Variants in RBMS3 observed in about 807,000 individuals in gnomAD.
The protein encoded by RBMS3 is RNA binding motif single stranded interacting protein 3, also known as RNA-binding motif, single-stranded-interacting protein 3.
In RBMS3, 27 loss-of-function variants were observed where a neutral mutation model predicts 66.8. The observed-to-expected ratio is 0.40, with a 90% confidence interval of 0.30 to 0.56. The LOEUF is 0.56. Ranked by LOEUF, RBMS3 falls within the 20% of genes least tolerant of loss-of-function variation. The pLI is 0.40. For missense variants in RBMS3, 513 were observed against 549.5 expected (o/e 0.93, Z 0.66); for synonymous variants, 188 against 183.0 (o/e 1.03, Z -0.22).
chr3:29,295,605 G>A (rs1366968960), intron 1 of RBMS3, among the ~76,000 whole-genome samples: 1 of 151,208 alleles, frequency 6.6e-6, no homozygotes, highest in Non-Finnish European at 1.5e-5. Flanking sequence ...TCTGACATAT[G>A]TTATATGAGA....
intron 3 of RBMS3, among the ~76,000 whole-genome samples, chr3:29,514,284 G>C (rs932124419): frequency 1.3e-5 from 2 of 151,988 alleles, no homozygotes; most frequent in African/African-American, 4.8e-5. Flanking sequence ...GAATTTATGT[G>C]GCAGAATGCT....
intron 1 of RBMS3, among the ~76,000 whole-genome samples, chr3:29,429,223 CATT>C (rs1402801923): frequency 2.6e-5 from 4 of 152,144 alleles, no homozygotes; most frequent in Non-Finnish European, 5.9e-5. Flanking sequence ...TTATTTGCCT[CATT>C]GTGCTGTTGT....
chr3:29,876,389 A>G (rs894562077), intron 7 of RBMS3, among the ~76,000 whole-genome samples: 3 of 152,232 alleles, frequency 2.0e-5, no homozygotes, highest in East Asian at 1.9e-4. Flanking sequence ...GGAAAAAAAA[A>G]GCTTCAAAAT....
chr3:29,763,829 G>C (rs566778827), intron 6 of RBMS3, among the ~76,000 whole-genome samples: 2 of 151,926 alleles, frequency 1.3e-5, no homozygotes, highest in Non-Finnish European at 2.9e-5. Context: ...GAAAAATTAC[G>C]TAAAGATTCA....
At chr3:29,389,209 T>C (rs139567859) in intron 1 of RBMS3, among the ~76,000 whole-genome samples, 1 of 152,276 alleles carries the variant, frequency 6.6e-6, no homozygotes, top group Non-Finnish European at 1.5e-5. Flanking sequence ...AGCCATGGGT[T>C]CTCATTTTTC....
rs535942569 is a variant in RBMS3 at position 29,446,354 on chromosome 3, G to A, written c.248+11439G>A. 3.0e-4 allele frequency among the ~76,000 whole-genome samples: 46 copies of A among 152,068 alleles called. 1 individual carries two copies. The South Asian group carries it at 9.4e-3, about 31-fold the overall frequency. Reference sequence around the variant, plus strand: ...AGGAATAGTTAAATAAAATTCACCTGTAATTTTAAGAGTCTTGTATTCAAA... The same window carrying A: ...AGGAATAGTTAAATAAAATTCACCTATAATTTTAAGAGTCTTGTATTCAAA... On this transcript the variant is annotated intron_variant, in intron 2 of 14. Transcript: ENST00000383767.
intron 1 of RBMS3, among the ~76,000 whole-genome samples, chr3:29,300,372 C>G (rs1310791636): frequency 3.3e-5 from 5 of 151,932 alleles, no homozygotes; most frequent in Non-Finnish European, 5.9e-5. Context: ...TATTGTCGCA[C>G]TGCTTTTAAC....
intron 12 of RBMS3, among the ~76,000 whole-genome samples, chr3:29,962,333 T>C (rs1489262001): frequency 6.6e-6 from 1 of 151,764 alleles, no homozygotes; most frequent in Non-Finnish European, 1.5e-5. Flanking sequence ...GTATCCGCTA[T>C]GGAATAGTTG....
chr3:29,460,658 T>G (rs1454552900), intron 2 of RBMS3, among the ~76,000 whole-genome samples: 1 of 152,236 alleles, frequency 6.6e-6, no homozygotes, highest in Non-Finnish European at 1.5e-5. Flanking sequence ...TAACAAATTT[T>G]ATTAATGCTT....
chr3:29,580,511 A>C (rs974027396), intron 3 of RBMS3, among the ~76,000 whole-genome samples: 5 of 152,084 alleles, frequency 3.3e-5, no homozygotes, highest in African/African-American at 1.2e-4. Flanking sequence ...ATATGAAGAT[A>C]ACTGTGTCTA....
rs554963319 is a variant in RBMS3, at chr3:29,302,273, A to G, written c.75+20517A>G. On this transcript the variant is annotated intron_variant, in intron 1 of 14. Transcript: ENST00000383767. ...GTAACCCTCCCACCTCGGCCTCCCAAAGTGCTGGGATTACAGGCGTGAGCT... is the reference window on the plus strand; with the variant it reads ...GTAACCCTCCCACCTCGGCCTCCCAGAGTGCTGGGATTACAGGCGTGAGCT... Among the ~76,000 whole-genome samples, 31 of 152,100 alleles carry G rather than the reference A, an allele frequency of 2.0e-4. No homozygotes were observed. The South Asian group carries it at 6.4e-3, about 32-fold the overall frequency.
At chr3:29,662,796 A>G (rs2050607273) in intron 4 of RBMS3, among the ~76,000 whole-genome samples, 1 of 152,230 alleles carries the variant, frequency 6.6e-6, no homozygotes, top group African/African-American at 2.4e-5. Context: ...AATGAGTGAT[A>G]GCCACCAATG....
intron 3 of RBMS3, among the ~76,000 whole-genome samples, chr3:29,572,189 T>C (rs986235869): frequency 1.2e-4 from 18 of 152,112 alleles, no homozygotes; most frequent in Admixed American, 1.1e-3. Context: ...TCTTTTAAGT[T>C]TTTTCAAATA....
intron 4 of RBMS3, among the ~76,000 whole-genome samples, chr3:29,664,486 C>CA (rs973737523): frequency 1.9e-4 from 28 of 151,096 alleles, no homozygotes; most frequent in Non-Finnish European, 3.2e-4. Flanking sequence ...GACTCTGTCT[C>CA]AAAAAAAAGT....
At chr3:29,764,300 T>G (rs2055832200) in intron 6 of RBMS3, among the ~76,000 whole-genome samples, 3 of 152,160 alleles carry the variant, frequency 2.0e-5, no homozygotes, top group Admixed American at 2.0e-4. Context: ...ATGATCCAAT[T>G]GGAGACATAT....
chr3:29,319,922 T>A (rs1041830641), intron 1 of RBMS3, among the ~76,000 whole-genome samples: 1 of 150,130 alleles, frequency 6.7e-6, no homozygotes, highest in African/African-American at 2.5e-5. Context: ...TCTGTGCTAA[T>A]ATTCTGGCAG....
intron 1 of RBMS3, among the ~76,000 whole-genome samples, chr3:29,388,560 A>C (rs933181142): frequency 2.0e-5 from 3 of 152,136 alleles, no homozygotes; most frequent in Non-Finnish European, 4.4e-5. Context: ...CCCACTGCCA[A>C]TCTGTGCACT....
intron 12 of RBMS3, among the ~76,000 whole-genome samples, chr3:29,969,062 ATAATT>A (rs1697053287): frequency 6.7e-6 from 1 of 148,248 alleles, no homozygotes; most frequent in African/African-American, 2.6e-5. Flanking sequence ...AGTGGTGAAA[ATAATT>A]AAAGTAATTA....
chr3:29,963,093 T>C (rs1384598427), intron 12 of RBMS3, among the ~76,000 whole-genome samples: 2 of 152,024 alleles, frequency 1.3e-5, no homozygotes, highest in African/African-American at 4.8e-5. Context: ...TAAAATCCCA[T>C]GGAAAAATGA....
Sources: allele counts gnomAD v4.1 joint callset (sites outside exome capture counted in the v4.1 genomes callset), GRCh38; gene constraint gnomAD v4.1.1; transcripts MANE v1.5; gene names NCBI Gene and HGNC (gene_info 2026-07-23, HGNC 2026-07-21).